The following DENND4C variants were observed in gnomAD, a reference collection of about 807,000 sequenced individuals.
The protein encoded by DENND4C is DENN domain-containing protein 4C.
DENND4C carries 108 observed loss-of-function variants against 203.0 expected under a neutral mutation model. That is an observed-to-expected ratio of 0.53 (90% CI 0.46 to 0.62). The LOEUF (loss-of-function observed/expected upper bound fraction) is 0.62. Ranked by LOEUF, DENND4C falls within the 20% of genes least tolerant of loss-of-function variation. The probability of loss-of-function intolerance (pLI) is 0.00; values close to 1 mark genes in which losing one functional copy is unlikely to be tolerated. For missense variants in DENND4C, 2,481 were observed against 2,301.2 expected, an observed-to-expected ratio of 1.08 and a Z score of -1.60; for synonymous variants, 871 against 792.4, an observed-to-expected ratio of 1.10 and a Z score of -1.67.
intron 1 of DENND4C, among the ~76,000 whole-genome samples, chr9:19,270,574 C>T (rs1421123371): frequency 1.3e-5 from 2 of 152,232 alleles, no homozygotes; most frequent in Non-Finnish European, 2.9e-5. Flanking sequence ...GTTTATATCA[C>T]ATTTTTAAAA....
chr9:19,233,172 G>A (rs1199366904), intron 1 of DENND4C, among the ~76,000 whole-genome samples: 1 of 152,090 alleles, frequency 6.6e-6, no homozygotes, highest in Non-Finnish European at 1.5e-5. Flanking sequence ...TTTGCAAAAC[G>A]GAATTTCTGT....
intron 17 of DENND4C, among the ~76,000 whole-genome samples, chr9:19,333,456 C>T (rs984049439): frequency 3.9e-5 from 6 of 152,096 alleles, no homozygotes; most frequent in Non-Finnish European, 8.8e-5. Flanking sequence ...TGTTTAGTAG[C>T]ATCCCTGGCC....
At chr9:19,320,745 C>G (rs1312524288) in intron 12 of DENND4C, among the ~76,000 whole-genome samples, 1 of 152,126 alleles carries the variant, frequency 6.6e-6, no homozygotes, top group East Asian at 1.9e-4. Context: ...TTTAGTGTTC[C>G]TAATAGGTTT....
At chr9:19,249,740 A>G (rs1449056931) in intron 1 of DENND4C, among the ~76,000 whole-genome samples, 1 of 152,080 alleles carries the variant, frequency 6.6e-6, no homozygotes, top group African/African-American at 2.4e-5. Flanking sequence ...GCTATAATGC[A>G]GTGGCACTTA....
intron 2 of DENND4C, among the ~76,000 whole-genome samples, chr9:19,282,852 G>A (rs1427023101): frequency 6.6e-6 from 1 of 150,418 alleles, no homozygotes; most frequent in Non-Finnish European, 1.5e-5. Flanking sequence ...GAGTAGCTGC[G>A]ATTACAGGCA....
chr9:19,296,296 T>A lies in DENND4C; in HGVS notation c.1040+50T>A, dbSNP rs776200314. ...GCTGGTGGAAAACTGGGTATATAAA[T>A]ATATACATTTGTTTGTGTAATTTTT... On this transcript the variant is annotated intron_variant, in intron 6 of 32. Coordinates refer to ENST00000434457, the MANE Select transcript of DENND4C (RefSeq NM_001330640.2). The A allele has an allele frequency of 6.5e-6, 8 of 1,227,270 alleles. No individual in the cohort carries two copies. The South Asian group carries it at 1.1e-4, about 17-fold the overall frequency. 76.0% of individuals were successfully genotyped at this position (1,227,270 alleles called of 1,614,324 possible).
chr9:19,356,125 C>T (rs1311146541), intron 26 of DENND4C, among the ~76,000 whole-genome samples: 1 of 151,936 alleles, frequency 6.6e-6, no homozygotes, highest in South Asian at 2.1e-4. Context: ...TCTACCCCTG[C>T]GTCCTTCAAT....
At chr9:19,290,033 C>G (rs958282792) in intron 4 of DENND4C, among the ~76,000 whole-genome samples, 1 of 152,102 alleles carries the variant, frequency 6.6e-6, no homozygotes, top group Non-Finnish European at 1.5e-5. Context: ...TGAATTTGGG[C>G]TCAAAATTCT....
intron 32 of DENND4C, 93 bp from the exon 33 acceptor site, chr9:19,371,944 A>T: frequency 2.2e-6 from 3 of 1,377,098 alleles, no homozygotes; most frequent in Non-Finnish European, 3.0e-6. Flanking sequence ...TATATAGTTC[A>T]AATACATATA....
In DENND4C at chr9:19,242,818, G is replaced by T. The variant is rs1229284382; in HGVS notation, c.-18+11985G>T. 2.6e-5 allele frequency among the ~76,000 whole-genome samples: 4 copies of T among 152,020 alleles called. No individual in the cohort carries two copies. The East Asian group carries it at 7.7e-4, about 29-fold the overall frequency. On this transcript the variant is annotated intron_variant, in intron 1 of 32. Transcript: ENST00000434457. ...CTATAGGCGCATGCCACCATGCCCG[G>T]CCATTTTTTGTATTTTTAGTAGAGA...
intron 1 of DENND4C, among the ~76,000 whole-genome samples, chr9:19,237,268 C>A (rs910415999): frequency 5.3e-5 from 8 of 152,212 alleles, no homozygotes; most frequent in Admixed American, 3.9e-4. Context: ...ATCCGCCCAC[C>A]TTGGCCTTCC....
chr9:19,300,466 A>T (rs1295259042), intron 9 of DENND4C, 135 bp downstream of exon 9: 2 of 822,082 alleles, frequency 2.4e-6, no homozygotes, highest in Non-Finnish European at 3.4e-6. Flanking sequence ...TTTCCAGCCC[A>T]GTAAAAGTTG....
intron 1 of DENND4C, among the ~76,000 whole-genome samples, chr9:19,246,626 C>T (rs1825339969): frequency 6.6e-6 from 1 of 151,004 alleles, no homozygotes; most frequent in Non-Finnish European, 1.5e-5. Context: ...ACTTGCAGAC[C>T]ACTTTTTTTT....
In DENND4C at chr9:19,276,244, C is replaced by G. The variant is rs1832885210; in HGVS notation, c.70C>G (p.Leu24Val). The G allele has an allele frequency of 4.9e-6, 6 of 1,231,976 alleles. No individual in the cohort carries two copies. In the South Asian group the frequency reaches 1.2e-4, roughly 25 times the overall value. The allele number at this position is 1,231,976 out of a possible 1,614,324, so 76.3% of individuals were successfully genotyped here. A position where few individuals can be genotyped will look rare whatever the true frequency, so the allele number is the denominator to read the frequency against. Residue 24 changes from leucine (L) to valine (V), a missense_variant, in exon 2 of 33, where the codon CTT (leucine) becomes GTT (valine). By Grantham distance (32) the Leu-to-Val change is conservative. Transcript: ENST00000434457. ...AGCTGGTCTCACTGACACATCTACTCTTTTGGATCAAGAAATAAATCGTTT... is the reference window on the plus strand; with the variant it reads ...AGCTGGTCTCACTGACACATCTACTGTTTTGGATCAAGAAATAAATCGTTT... The part of the protein sequence containing the change: ...VVAGLTDTST[L>V]LDQEINRLDT...
chr9:19,346,853 C>G lies in DENND4C; in HGVS notation c.4084C>G (p.Gln1362Glu), dbSNP rs1329916097. 1 of 1,614,212 alleles carries G rather than the reference C, an allele frequency of 6.2e-7. No homozygotes were observed. The highest frequency in any genetic ancestry group is 8.5e-7 in the Non-Finnish European group (1 of 1,180,042). ...AACTTTTACTGGGCGTTTCAAGCAG[C>G]AAACCCCCTCTCGAACTCATAAAGA... is the stretch of plus-strand genomic sequence containing the variant. ...SKTFTGRFKQ[Q>E]TPSRTHKERS... The change falls in exon 23 of 33, where the codon CAA (glutamine) becomes GAA (glutamate). Residue 1362 changes from glutamine to glutamate, a missense_variant. Transcript: ENST00000434457.
At chr9:19,345,025 A>G (rs1272431239) in intron 22 of DENND4C, among the ~76,000 whole-genome samples, 1 of 152,076 alleles carries the variant, frequency 6.6e-6, no homozygotes, top group Non-Finnish European at 1.5e-5. Context: ...TGATCAAATT[A>G]TCTTTCAAAG....
intron 1 of DENND4C, among the ~76,000 whole-genome samples, chr9:19,255,039 G>A (rs1827598417): frequency 6.6e-6 from 1 of 152,048 alleles, no homozygotes; most frequent in East Asian, 1.9e-4. Flanking sequence ...AGCGACTCGG[G>A]AGACTGAGGC....
In DENND4C at chr9:19,319,863, A is replaced by G. The variant is rs139705396; in HGVS notation, c.1807+3024A>G. 3.2e-3 allele frequency among the ~76,000 whole-genome samples: 491 copies of G among 152,320 alleles called. 3 individuals are homozygous for G. The highest frequency in any genetic ancestry group is 4.2e-3 in the Non-Finnish European group (285 of 68,034). ...ATATTCCTTGAAGAAATAACAAGGA[A>G]TATTAGTGTCCTAAGGTATCCTTTA... On this transcript the variant is annotated intron_variant, in intron 12 of 32. Transcript: ENST00000434457.
rs1266119304 is a variant in DENND4C, at chr9:19,356,788, T to TGTGAGA, written c.4782-183_4782-182insTGAGAG. Among the ~76,000 whole-genome samples the TGTGAGA allele has an allele frequency of 3.5e-3, 490 of 140,410 alleles. 8 individuals carry two copies. Among genetic ancestry groups the TGTGAGA allele is most frequent in the African/African-American group, 0.013 (461 of 35,592 alleles). The allele number at this position is 140,410 out of a possible 152,430, so 92.1% of individuals were successfully genotyped here. A position where few individuals can be genotyped will look rare whatever the true frequency, so the allele number is the denominator to read the frequency against. The stretch of plus-strand genomic sequence containing the variant: ...GAGAGCAGGAATGTGTGTGTGTGTG[T>TGTGAGA]GAGAGAGAGAGAGAGAGAGAGAGAG... On this transcript the variant is annotated intron_variant, in intron 26 of 32. Coordinates refer to ENST00000434457, the MANE Select transcript of DENND4C (RefSeq NM_001330640.2).
Sources: gnomAD v4.1 joint callset for allele counts (sites outside exome capture counted in the v4.1 genomes callset) on GRCh38, gnomAD v4.1.1 for gene constraint, MANE v1.5 for transcripts, NCBI Gene and HGNC (gene_info 2026-07-23, HGNC 2026-07-21) for gene names.